MAPK10: variants seen among roughly 807,000 people sequenced by gnomAD.
The protein encoded by MAPK10 is JNK3 alpha protein kinase.
Under a neutral mutation model 59.3 loss-of-function variants are expected in MAPK10, and 25 were observed. The ratio of observed to expected loss-of-function variants is 0.42; its 90% CI spans 0.31 to 0.59. The LOEUF (loss-of-function observed/expected upper bound fraction) is 0.59. Among genes scored for constraint, MAPK10 ranks in the 20% least tolerant of loss-of-function variants. MAPK10 has a pLI of 0.15. For missense variants in MAPK10, 351 were observed against 568.9 expected (o/e 0.62, Z 3.90); for synonymous variants, 190 against 200.5 (o/e 0.95, Z 0.44).
At chr4:86,466,183 G>T (rs2149063704) in intron 1 of MAPK10, among the ~76,000 whole-genome samples, 1 of 152,270 alleles carries the variant, frequency 6.6e-6, no homozygotes, top group South Asian at 2.1e-4. Context: ...AAACAGGATT[G>T]GACCCAGTTA....
At chr4:86,349,318 T>C (rs1729915860) in intron 2 of MAPK10, among the ~76,000 whole-genome samples, 2 of 152,236 alleles carry the variant, frequency 1.3e-5, no homozygotes, top group Non-Finnish European at 1.5e-5. Flanking sequence ...TCTTTAGCTA[T>C]GTGTTTTTTT....
chr4:86,407,099 T>C (rs1374583638), intron 1 of MAPK10, among the ~76,000 whole-genome samples: 1 of 152,204 alleles, frequency 6.6e-6, no homozygotes, highest in African/African-American at 2.4e-5. Flanking sequence ...GCATCTGCCA[T>C]ACAAGGTCAT....
chr4:86,303,868 A>G (rs1025225566), intron 2 of MAPK10, among the ~76,000 whole-genome samples: 1 of 152,238 alleles, frequency 6.6e-6, no homozygotes, highest in South Asian at 2.1e-4. Context: ...CTGCACTGCT[A>G]TCAGTTTTCT....
chr4:86,502,823 C>T (rs1755426884), intron 1 of MAPK10, among the ~76,000 whole-genome samples: 1 of 152,018 alleles, frequency 6.6e-6, no homozygotes, highest in Admixed American at 6.6e-5. Context: ...CATTTTCATT[C>T]TAAAAGACAT....
chr4:86,243,749 C>T (rs2092905119), intron 2 of MAPK10, among the ~76,000 whole-genome samples: 1 of 131,728 alleles, frequency 7.6e-6, no homozygotes, highest in African/African-American at 2.8e-5. Context: ...CTCCCCCAAT[C>T]CTAGTAGTCT....
intron 1 of MAPK10, among the ~76,000 whole-genome samples, chr4:86,436,979 A>C (rs1412660071): frequency 6.6e-6 from 1 of 152,016 alleles, no homozygotes; most frequent in African/African-American, 2.4e-5. Context: ...TTGGGAGGCC[A>C]AGGTGGGCAG....
intron 2 of MAPK10, among the ~76,000 whole-genome samples, chr4:86,330,902 G>A (rs2096137318): frequency 1.3e-5 from 2 of 152,052 alleles, no homozygotes; most frequent in Admixed American, 1.3e-4. Flanking sequence ...CATACTTGTT[G>A]GCGTTCTTTC....
intron 4 of MAPK10, among the ~76,000 whole-genome samples, chr4:86,116,927 G>A (rs779555446): frequency 6.6e-6 from 1 of 152,162 alleles, no homozygotes; most frequent in Non-Finnish European, 1.5e-5. Flanking sequence ...ATGTAGGACA[G>A]GATAAAGCAT....
At chr4:86,242,699 T>C (rs1437212670) in intron 2 of MAPK10, among the ~76,000 whole-genome samples, 1 of 152,210 alleles carries the variant, frequency 6.6e-6, no homozygotes, top group Non-Finnish European at 1.5e-5. Context: ...TCCCTGGCTC[T>C]AGCAGGGGAG....
At chr4:86,414,724 C>A (rs1304584630) in intron 1 of MAPK10, among the ~76,000 whole-genome samples, 4 of 151,954 alleles carry the variant, frequency 2.6e-5, no homozygotes, top group South Asian at 2.1e-4. Context: ...CTTAAATAGA[C>A]CCCAGATATC....
At chr4:86,370,869 T>G (rs1738654858) in intron 1 of MAPK10, 1 of 152,210 alleles carries the variant, frequency 6.6e-6, no homozygotes, top group African/African-American at 2.4e-5. Context: ...ATTATGGTTC[T>G]GTAACAAAAT....
At chr4:86,245,370 G>A (rs2093016329) in intron 2 of MAPK10, among the ~76,000 whole-genome samples, 1 of 147,818 alleles carries the variant, frequency 6.8e-6, no homozygotes, top group Non-Finnish European at 1.5e-5. Flanking sequence ...GGAGTGCAAT[G>A]ATGTGATCAC....
intron 2 of MAPK10, among the ~76,000 whole-genome samples, chr4:86,272,232 C>T (rs1010890537): frequency 6.6e-6 from 1 of 151,952 alleles, no homozygotes; most frequent in African/African-American, 2.4e-5. Flanking sequence ...AAAACAAGTC[C>T]TTTGTCAAAT....
chr4:86,348,855 C>T (rs144495001), intron 2 of MAPK10, among the ~76,000 whole-genome samples: 44 of 152,212 alleles, frequency 2.9e-4, no homozygotes, highest in South Asian at 1.0e-3. Context: ...CCCTCCACCT[C>T]GATCTTTCCT....
chr4:86,470,961 C>A (rs916984212), intron 1 of MAPK10, among the ~76,000 whole-genome samples: 42 of 152,246 alleles, frequency 2.8e-4, no homozygotes, highest in African/African-American at 1.0e-3. Flanking sequence ...TAAATATTTA[C>A]TGGCATTGTA....
chr4:86,455,539 C>T (rs564870461), upstream of MAPK10, among the ~76,000 whole-genome samples: 134 of 152,234 alleles, frequency 8.8e-4, no homozygotes, highest in Non-Finnish European at 1.8e-3. Flanking sequence ...TTTAAAGCAA[C>T]AGCAGTTTAG....
At chr4:86,050,700 A>G (rs969653653) in intron 11 of MAPK10, among the ~76,000 whole-genome samples, 1 of 152,164 alleles carries the variant, frequency 6.6e-6, no homozygotes, top group Admixed American at 6.6e-5. Context: ...GTGACTATGC[A>G]TGTAAGAATT....
At chr4:86,476,650 T>G (rs990262724) in intron 1 of MAPK10, among the ~76,000 whole-genome samples, 4 of 152,158 alleles carry the variant, frequency 2.6e-5, no homozygotes, top group African/African-American at 4.8e-5. Flanking sequence ...ATTCTGGCCC[T>G]CAAACCCCAC....
At position 86,472,012 on chromosome 4, in the gene MAPK10, TA is replaced by T; in HGVS notation, c.-262-117369del. On this transcript the variant is annotated intron_variant, in intron 1 of 4. Transcript: ENST00000502302. ...TTCATCAGGAATAAACCAATTGCCA[TA>T]ATAAACTGATTACATGTACCAAATT... 2.0e-5 allele frequency among the ~76,000 whole-genome samples: 3 copies of T among 152,302 alleles called. No individual in the cohort carries two copies. The Middle Eastern group carries it at 0.01, about 518-fold the overall frequency.
Sources: gnomAD v4.1 joint callset for allele counts (sites outside exome capture counted in the v4.1 genomes callset) on GRCh38, gnomAD v4.1.1 for gene constraint, MANE v1.5 for transcripts, NCBI Gene and HGNC (gene_info 2026-07-23, HGNC 2026-07-21) for gene names.